The following LRRK2 variants were observed in gnomAD, a reference collection of about 807,000 sequenced individuals.
The protein encoded by LRRK2 is leucine rich repeat kinase 2, also known as leucine-rich repeat serine/threonine-protein kinase 2.
A neutral mutation model predicts 302.6 loss-of-function variants in LRRK2; 203 were observed. The ratio of observed to expected loss-of-function variants is 0.67; its 90% CI spans 0.60 to 0.75. The LOEUF is 0.75. Among genes scored for constraint, LRRK2 ranks in the 30% least tolerant of loss-of-function variants. The pLI is 0.00. For synonymous variants in LRRK2, 1,066 were observed against 1,031.9 expected, an observed-to-expected ratio of 1.03 and a Z score of -0.63; for missense variants, 2,830 against 2,951.0, an observed-to-expected ratio of 0.96 and a Z score of 0.95.
At chr12:40,353,184 G>C (rs889471517) in intron 44 of LRRK2, among the ~76,000 whole-genome samples, 1 of 150,592 alleles carries the variant, frequency 6.6e-6, no homozygotes, top group South Asian at 2.1e-4. Context: ...TCACTTCTCC[G>C]ACGGGGCGGC....
intron 16 of LRRK2, among the ~76,000 whole-genome samples, chr12:40,276,749 C>T (rs1168871450): frequency 6.6e-6 from 1 of 152,180 alleles, no homozygotes. Context: ...ATTAAGGCTA[C>T]TTTGCTTATC....
Position 40,243,697 on chromosome 12 carries a change from AAT to A in LRRK2, c.838+19_838+20del. On this transcript the variant is annotated intron_variant, in intron 7 of 50. Transcript: ENST00000298910. Reference sequence around the variant, plus strand: ...CTTACATTAGGTGAGTTTCTTAGTTAATATGTCATCACACACTGTATGATATA... The same window carrying A: ...CTTACATTAGGTGAGTTTCTTAGTTAATGTCATCACACACTGTATGATATA... 1 of 1,609,210 alleles carries A rather than the reference AAT, an allele frequency of 6.2e-7. No individual in the cohort carries two copies. The highest frequency in any genetic ancestry group is 1.1e-5 in the South Asian group (1 of 90,918).
At chr12:40,260,223 A>G (rs1013568538) in intron 13 of LRRK2, among the ~76,000 whole-genome samples, 4 of 152,072 alleles carry the variant, frequency 2.6e-5, no homozygotes, top group Admixed American at 6.6e-5. Context: ...ATGAATTGGA[A>G]AAAAAGCACA....
intron 40 of LRRK2, among the ~76,000 whole-genome samples, chr12:40,338,029 G>C (rs1945925946): frequency 6.6e-6 from 1 of 152,196 alleles, no homozygotes; most frequent in African/African-American, 2.4e-5. Flanking sequence ...GTTTCTTGCA[G>C]ACACTCTGTG....
intron 39 of LRRK2, 55 bp downstream of exon 39, chr12:40,328,515 A>C (rs1016094780): frequency 7.4e-7 from 1 of 1,342,854 alleles, no homozygotes; most frequent in Non-Finnish European, 1.0e-6. Context: ...ATCTACTGGA[A>C]CTCTTATTTT....
Position 40,363,511 on chromosome 12 carries a change from A to G in LRRK2, c.7138A>G (p.Thr2380Ala). 1 of 1,612,058 alleles carries G rather than the reference A, an allele frequency of 6.2e-7. No homozygotes were observed. Among genetic ancestry groups the G allele is most frequent in the Non-Finnish European group, 8.5e-7 (1 of 1,178,694 alleles). ...SPVVEVWDKK[T>A]EKLCGLIDCV... is the part of the protein sequence containing the mutation. ...TGTTGTGGAAGTGTGGGATAAGAAAACTGAAAAACTCTGTGGACTAATAGA... is the reference window on the plus strand; with the variant it reads ...TGTTGTGGAAGTGTGGGATAAGAAAGCTGAAAAACTCTGTGGACTAATAGA... Residue 2380 changes from threonine to alanine, a missense_variant, in exon 48 of 51, where the codon ACT (threonine) becomes GCT (alanine). This residue lies in a region of LRRK2 where 456 missense variants were observed against 456.3 expected (regional missense o/e 1.00). Transcript: ENST00000298910.
chr12:40,367,853 C>G lies in LRRK2; in HGVS notation c.*88C>G. ...TAAAAATGTTCACATGGAAAGGGTACTCACATTTTTTGAAATAGCTCGTGT... is the reference window on the plus strand; with the variant it reads ...TAAAAATGTTCACATGGAAAGGGTAGTCACATTTTTTGAAATAGCTCGTGT... On this transcript the variant is annotated 3_prime_UTR_variant, in exon 51 of 51. Transcript: ENST00000298910. The G allele has an allele frequency of 1.5e-6, 2 of 1,366,272 alleles. No homozygotes were observed. Among genetic ancestry groups the G allele is most frequent in the Middle Eastern group, 2.6e-4 (1 of 3,812 alleles). 84.6% of individuals were successfully genotyped at this position (1,366,272 alleles called of 1,614,324 possible).
chr12:40,259,392 T>C, intron 12 of LRRK2, 88 bp from the exon 13 acceptor site: 1 of 1,513,898 alleles, frequency 6.6e-7, no homozygotes, highest in Non-Finnish European at 9.2e-7. Flanking sequence ...ATATATTGGT[T>C]CTGCCCTCCT....
chr12:40,355,079 C>T (rs1395648953), intron 45 of LRRK2, among the ~76,000 whole-genome samples: 2 of 151,976 alleles, frequency 1.3e-5, no homozygotes, highest in Non-Finnish European at 2.9e-5. Flanking sequence ...GGATGATTTC[C>T]AGGAGGCATT....
chr12:40,237,668 A>G (rs1425501178), intron 4 of LRRK2, among the ~76,000 whole-genome samples: 3 of 152,184 alleles, frequency 2.0e-5, no homozygotes, highest in Non-Finnish European at 4.4e-5. Flanking sequence ...TCTAAGAGGC[A>G]TAAGAATGTA....
chr12:40,344,868 A>C (rs1416422760), intron 41 of LRRK2, among the ~76,000 whole-genome samples: 2 of 151,968 alleles, frequency 1.3e-5, no homozygotes, highest in Non-Finnish European at 1.5e-5. Context: ...CATGATAATT[A>C]TATGTAATTA....
chr12:40,334,914 C>T (rs770435096), intron 39 of LRRK2, 53 bp from the exon 40 acceptor site: 20 of 1,587,094 alleles, frequency 1.3e-5, no homozygotes, highest in Admixed American at 8.3e-5. Context: ...GAAGGAGATA[C>T]GTGGGTAAAA....
intron 2 of LRRK2, among the ~76,000 whole-genome samples, chr12:40,228,730 A>G (rs1319387435): frequency 6.6e-6 from 1 of 152,076 alleles, no homozygotes; most frequent in Non-Finnish European, 1.5e-5. Flanking sequence ...GCATATTTTC[A>G]GGTCTGAGAT....
At chr12:40,252,822 T>C in intron 10 of LRRK2, 88 bp from the exon 11 acceptor site, 1 of 842,560 alleles carries the variant, frequency 1.2e-6, no homozygotes, top group Non-Finnish European at 2.0e-6. Context: ...CTCTTAATTG[T>C]TGTTAGAGAT....
chr12:40,367,541 C>A, intron 50 of LRRK2, 103 bp from the exon 51 acceptor site: 1 of 1,099,750 alleles, frequency 9.1e-7, no homozygotes, highest in Non-Finnish European at 1.3e-6. Flanking sequence ...TTTATATTTA[C>A]ATTTATCTAA....
chr12:40,237,205 A>G (rs374141160), intron 4 of LRRK2, among the ~76,000 whole-genome samples: 27 of 152,150 alleles, frequency 1.8e-4, no homozygotes, highest in African/African-American at 6.3e-4. Flanking sequence ...TACATGTACT[A>G]TAGTCGGTTG....
Position 40,367,683 on chromosome 12 carries a change from C to T in LRRK2, c.7502C>T (p.Pro2501Leu). 6.2e-7 allele frequency: 1 copy of T among 1,603,408 alleles called. No homozygotes were observed. The highest frequency in any genetic ancestry group is 8.5e-7 in the Non-Finnish European group (1 of 1,173,914). Residue 2501 changes from proline (P) to leucine (L), a missense_variant, in exon 51 of 51, where the codon CCA becomes CTA. Pro to Leu is a moderately conservative substitution (Grantham distance 98). Around this residue, in one of 3 missense-constraint regions of LRRK2, gnomAD observed 456 missense variants for 456.3 expected, o/e 1.00. Coordinates refer to ENST00000298910, the MANE Select transcript of LRRK2 (RefSeq NM_198578.4). ...SCLTVWDINL[P>L]HEVQNLEKHI... ...TTGACCGTTTGGGACATCAATCTTC[C>T]ACATGAAGTGCAAAATTTAGAAAAA...
In LRRK2 at chr12:40,308,561, C is replaced by G; in HGVS notation, c.4054C>G (p.Gln1352Glu). Residue 1352 changes from glutamine (Q) to glutamate (E), a missense_variant, in exon 29 of 51, where the codon CAG becomes GAG. Coordinates refer to ENST00000298910, the MANE Select transcript of LRRK2 (RefSeq NM_198578.4). ...NTGSGKTTLL[Q>E]QLMKTKKSDL... Reference sequence around the variant, plus strand: ...TGGGAGTGGTAAAACCACCTTATTGCAGCAATTAATGAAAACCAAGAAATC... The same window carrying G: ...TGGGAGTGGTAAAACCACCTTATTGGAGCAATTAATGAAAACCAAGAAATC... 1 of 1,613,954 alleles carries G rather than the reference C, an allele frequency of 6.2e-7. No homozygotes were observed. Among genetic ancestry groups the G allele is most frequent in the South Asian group, 1.1e-5 (1 of 91,090 alleles).
chr12:40,287,804 G>A (rs753749096), intron 20 of LRRK2, among the ~76,000 whole-genome samples: 1 of 151,788 alleles, frequency 6.6e-6, no homozygotes, highest in Non-Finnish European at 1.5e-5. Flanking sequence ...GAGATTCCAC[G>A]CTCTGTCATT....
Sources: gnomAD v4.1 joint callset for allele counts (sites outside exome capture counted in the v4.1 genomes callset) on GRCh38, gnomAD v4.1.1 for gene constraint, gnomAD v4.1.1 regional missense constraint, MANE v1.5 for transcripts, NCBI Gene and HGNC (gene_info 2026-07-23, HGNC 2026-07-21) for gene names.